DDAH1: variants seen among roughly 807,000 people sequenced by gnomAD.
DDAH1 encodes dimethylarginine dimethylaminohydrolase 1, also known as N(G),N(G)-dimethylarginine dimethylaminohydrolase 1.
DDAH1 carries 19 observed loss-of-function variants against 28.8 expected under a neutral mutation model. The ratio of observed to expected loss-of-function variants is 0.66; its 90% CI spans 0.46 to 0.97. The LOEUF is 0.97. Ranked by LOEUF, DDAH1 falls within the 50% of genes least tolerant of loss-of-function variation. The probability of loss-of-function intolerance (pLI) is 0.00; values close to 1 mark genes in which losing one functional copy is unlikely to be tolerated. For synonymous variants in DDAH1, 153 were observed against 154.4 expected (o/e 0.99, Z 0.07); for missense variants, 326 against 375.9 (o/e 0.87, Z 1.10).
intron 2 of DDAH1, among the ~76,000 whole-genome samples, chr1:85,475,062 T>C (rs938565211): frequency 1.6e-4 from 24 of 152,206 alleles, no homozygotes; most frequent in African/African-American, 5.3e-4. Context: ...ATATGAAATA[T>C]GTTCTTCGTC....
At chr1:85,547,977 C>T (rs1436437464) in intron 1 of DDAH1, among the ~76,000 whole-genome samples, 1 of 152,174 alleles carries the variant, frequency 6.6e-6, no homozygotes, top group Non-Finnish European at 1.5e-5. Context: ...ACAGGCCATT[C>T]GTTCTTAACC....
At chr1:85,474,036 C>G (rs573918244) in intron 2 of DDAH1, among the ~76,000 whole-genome samples, 2 of 152,344 alleles carry the variant, frequency 1.3e-5, no homozygotes, top group South Asian at 4.1e-4. Flanking sequence ...CCCAGGATTG[C>G]TCCTTCCAAT....
chr1:85,564,421 G>C (rs562820763), intron 1 of DDAH1, among the ~76,000 whole-genome samples: 96 of 152,294 alleles, frequency 6.3e-4, no homozygotes, highest in African/African-American at 2.3e-3. Flanking sequence ...GAAGTGCAGA[G>C]AGGGGTAGTG....
In DDAH1 at chr1:85,351,541, G is replaced by T; in HGVS notation, c.442C>A (p.Gln148Lys). The change falls in exon 3 of 6, where the codon CAA (glutamine) becomes AAA (lysine). Residue 148 changes from glutamine (Q) to lysine (K), a missense_variant. Coordinates refer to ENST00000284031, the MANE Select transcript of DDAH1 (RefSeq NM_012137.4). ...TCAGCCAAGATTTCAGCACCTCGTT[G>T]ATTTGTCCTTTTGGAAAGGCCCACA... ...FFVGLSKRTN[Q>K]RGAEILADTF... 6.2e-7 allele frequency: 1 copy of T among 1,614,032 alleles called. No individual in the cohort carries two copies. Among genetic ancestry groups the T allele is most frequent in the South Asian group, 1.1e-5 (1 of 91,066 alleles).
At position 85,319,024 on chromosome 1, in the gene DDAH1, T is replaced by A. The variant is rs1219399041; in HGVS notation, c.*2428A>T. The A allele has an allele frequency of 6.6e-6, 1 of 152,236 alleles. No individual in the cohort carries two copies. The highest frequency in any genetic ancestry group is 1.5e-5 in the Non-Finnish European group (1 of 68,042). The allele number at this position is 152,236 out of a possible 1,614,324, so 9.4% of individuals were successfully genotyped here. On this transcript the variant is annotated 3_prime_UTR_variant, in exon 6 of 6. Coordinates refer to ENST00000284031, the MANE Select transcript of DDAH1 (RefSeq NM_012137.4). Reference sequence around the variant, plus strand: ...ATATAATTTCTCCTGTCTTTTAATGTCAAAAAGCAGTTTCCGTTAGTTTAT... The same window carrying A: ...ATATAATTTCTCCTGTCTTTTAATGACAAAAAGCAGTTTCCGTTAGTTTAT...
chr1:85,368,047 A>C (rs12136295), intron 1 of DDAH1, among the ~76,000 whole-genome samples: 8,149 of 152,258 alleles, frequency 0.054, 295 homozygotes, highest in South Asian at 0.18. Flanking sequence ...TCTGATACAG[A>C]AACAACTATT....
intron 1 of DDAH1, among the ~76,000 whole-genome samples, chr1:85,542,984 G>A (rs116817038): frequency 0.02 from 3,006 of 152,184 alleles, 90 homozygotes; most frequent in African/African-American, 0.068. Context: ...GAAGTAACTC[G>A]CCCAAGATCA....
rs115684946 is a variant in DDAH1, at chr1:85,547,131, C to T, written c.-123+30853G>A. Among the ~76,000 whole-genome samples, 543 of 152,238 alleles carry T rather than the reference C, an allele frequency of 3.6e-3. 4 individuals are homozygous for T. The highest frequency in any genetic ancestry group is 6.0e-3 in the Non-Finnish European group (406 of 68,016). On this transcript the variant is annotated intron_variant, in intron 1 of 6. Transcript: ENST00000426972. The stretch of plus-strand genomic sequence containing the variant: ...GTGAAAGAGGCCGGAGTGGAGAACA[C>T]CCTGGTAGGAGTACTGGAACCACCA...
At chr1:85,511,935 C>A (rs181811348) in intron 1 of DDAH1, among the ~76,000 whole-genome samples, 22 of 152,202 alleles carry the variant, frequency 1.4e-4, no homozygotes, top group African/African-American at 5.3e-4. Flanking sequence ...GAGGAGCTAG[C>A]ACCATTCCTT....
intron 2 of DDAH1, chr1:85,495,565 C>G (rs1467452907): frequency 6.6e-6 from 1 of 152,172 alleles, no homozygotes; most frequent in Non-Finnish European, 1.5e-5. Context: ...GATCTCAGTA[C>G]CAAGCCTTTG....
intron 2 of DDAH1, among the ~76,000 whole-genome samples, chr1:85,482,781 T>C (rs1308789439): frequency 6.6e-6 from 1 of 152,218 alleles, no homozygotes. Context: ...CCCTTTACTA[T>C]GTCTTGGGCA....
chr1:85,328,476 C>CT (rs3216613), intron 4 of DDAH1, among the ~76,000 whole-genome samples: 17,183 of 152,132 alleles, frequency 0.11, 1,060 homozygotes, highest in East Asian at 0.24. Context: ...CACAAACGTG[C>CT]TTTTTTCCAG....
chr1:85,492,545 T>C (rs1656443268), intron 2 of DDAH1, among the ~76,000 whole-genome samples: 1 of 152,186 alleles, frequency 6.6e-6, no homozygotes, highest in Admixed American at 6.6e-5. Flanking sequence ...TCACTTCTCA[T>C]TTTCCTCATT....
At chr1:85,473,149 T>C (rs185044634) in intron 2 of DDAH1, among the ~76,000 whole-genome samples, 31 of 152,360 alleles carry the variant, frequency 2.0e-4, no homozygotes, top group African/African-American at 6.7e-4. Context: ...GTTGATTACA[T>C]TACTTTGCTC....
intron 1 of DDAH1, among the ~76,000 whole-genome samples, chr1:85,498,081 A>G (rs1415693851): frequency 6.6e-6 from 1 of 152,214 alleles, no homozygotes; most frequent in African/African-American, 2.4e-5. Flanking sequence ...AGCCTTTAAA[A>G]TACAGTCTTA....
At chr1:85,341,082 T>C (rs1362199560) in intron 4 of DDAH1, among the ~76,000 whole-genome samples, 2 of 152,262 alleles carry the variant, frequency 1.3e-5, no homozygotes, top group African/African-American at 4.8e-5. Flanking sequence ...GAACCATTTA[T>C]TAGCCACTTA....
intron 1 of DDAH1, among the ~76,000 whole-genome samples, chr1:85,365,917 T>C (rs528531659): frequency 1.8e-4 from 28 of 152,278 alleles, no homozygotes; most frequent in African/African-American, 6.7e-4. Flanking sequence ...GAGATTACCC[T>C]GGGTGGGCTT....
intron 2 of DDAH1, among the ~76,000 whole-genome samples, chr1:85,351,875 G>T (rs1649233093): frequency 6.6e-6 from 1 of 152,158 alleles, no homozygotes; most frequent in African/African-American, 2.4e-5. Flanking sequence ...AAAAAGTTCT[G>T]GAGATGCCTG....
chr1:85,528,681 A>C (rs1657954894), intron 1 of DDAH1, among the ~76,000 whole-genome samples: 1 of 152,206 alleles, frequency 6.6e-6, no homozygotes, highest in Middle Eastern at 3.4e-3. Context: ...TACCCCATCC[A>C]ATTTTTTTTA....
Sources: allele counts gnomAD v4.1 joint callset (sites outside exome capture counted in the v4.1 genomes callset), GRCh38; gene constraint gnomAD v4.1.1; transcripts MANE v1.5; gene names NCBI Gene and HGNC (gene_info 2026-07-23, HGNC 2026-07-21).